DCLK1: variants seen among roughly 807,000 people sequenced by gnomAD.
DCLK1 encodes doublecortin like kinase 1, also known as serine/threonine-protein kinase DCLK1.
DCLK1 carries 16 observed loss-of-function variants against 86.2 expected under a neutral mutation model. The ratio of observed to expected loss-of-function variants is 0.19; its 90% CI spans 0.13 to 0.28. The LOEUF (loss-of-function observed/expected upper bound fraction) is 0.28. Ranked by LOEUF, DCLK1 falls within the 10% of genes least tolerant of loss-of-function variation. The pLI, the probability that DCLK1 is intolerant of heterozygous loss-of-function variation, is 1.00. For missense variants in DCLK1, 590 were observed against 940.2 expected (o/e 0.63, Z 4.87); for synonymous variants, 369 against 370.5 (o/e 1.00, Z 0.05).
chr13:35,837,715 TG>T (rs1476208298), intron 7 of DCLK1, among the ~76,000 whole-genome samples: 8 of 152,124 alleles, frequency 5.3e-5, no homozygotes, highest in Admixed American at 2.0e-4. Flanking sequence ...GCACGTGGCT[TG>T]GGATTTTTTT....
intron 4 of DCLK1, among the ~76,000 whole-genome samples, chr13:35,942,178 G>GT (rs148014415): frequency 0.024 from 3,636 of 149,856 alleles, 179 homozygotes; most frequent in East Asian, 0.21. Context: ...TTTTTTTTTT[G>GT]TTTTTTGAGA....
intron 4 of DCLK1, among the ~76,000 whole-genome samples, chr13:35,883,607 A>G (rs1873049199): frequency 6.6e-6 from 1 of 152,184 alleles, no homozygotes; most frequent in Non-Finnish European, 1.5e-5. Flanking sequence ...CAAATGGACT[A>G]AGACAGCAGT....
chr13:36,019,287 T>C (rs971914532), intron 3 of DCLK1, among the ~76,000 whole-genome samples: 1 of 152,202 alleles, frequency 6.6e-6, no homozygotes, highest in African/African-American at 2.4e-5. Flanking sequence ...TCCAAGCCTA[T>C]GTAGAAAACA....
At chr13:36,111,109 C>T (rs1469778797) in intron 3 of DCLK1, among the ~76,000 whole-genome samples, 2 of 152,034 alleles carry the variant, frequency 1.3e-5, no homozygotes, top group African/African-American at 2.4e-5. Flanking sequence ...GCTGGGATTA[C>T]AGGCGTGAGC....
intron 3 of DCLK1, among the ~76,000 whole-genome samples, chr13:36,045,330 GTGTATATATATATATATATATATA>G (rs1295370020): frequency 4.8e-4 from 27 of 56,624 alleles, no homozygotes; most frequent in South Asian, 1.5e-3. Context: ...GTGTGTGTGT[GTGTATATATATATATATATATATA>G]TATATATATA....
At chr13:35,915,505 A>G (rs1436623024) in intron 4 of DCLK1, among the ~76,000 whole-genome samples, 2 of 152,368 alleles carry the variant, frequency 1.3e-5, no homozygotes, top group Middle Eastern at 6.8e-3. Context: ...GTTGGAGACC[A>G]GCCTGGGCAA....
chr13:35,819,019 A>C (rs2087334249), intron 11 of DCLK1, among the ~76,000 whole-genome samples: 1 of 152,080 alleles, frequency 6.6e-6, no homozygotes, highest in African/African-American at 2.4e-5. Flanking sequence ...TGGGCTTGCC[A>C]GGCGGCTCTG....
At chr13:35,923,824 G>T (rs1171055) in intron 4 of DCLK1, among the ~76,000 whole-genome samples, 1 of 152,098 alleles carries the variant, frequency 6.6e-6, no homozygotes, top group Middle Eastern at 3.4e-3. Context: ...AAACCCTGGG[G>T]GTCTGTTAGC....
At chr13:35,895,753 A>AT (rs1873931340) in intron 4 of DCLK1, among the ~76,000 whole-genome samples, 1 of 151,736 alleles carries the variant, frequency 6.6e-6, no homozygotes, top group Non-Finnish European at 1.5e-5. Flanking sequence ...GCAAAAAAAA[A>AT]CAAAACAAAA....
intron 16 of DCLK1, among the ~76,000 whole-genome samples, chr13:35,779,478 G>C (rs1460249040): frequency 6.6e-6 from 1 of 152,124 alleles, no homozygotes; most frequent in Admixed American, 6.6e-5. Context: ...GCATTTTCCA[G>C]ATGATTAGTA....
chr13:36,026,269 G>A (rs887171939), intron 3 of DCLK1, among the ~76,000 whole-genome samples: 14 of 152,168 alleles, frequency 9.2e-5, no homozygotes, highest in Admixed American at 6.5e-4. Context: ...TGCTAGAGCA[G>A]TGAATATTGA....
At position 36,021,919 on chromosome 13, in the gene DCLK1, A is replaced by G. The variant is rs76847933; in HGVS notation, c.724-74462T>C. Among the ~76,000 whole-genome samples, 3 of 152,138 alleles carry G rather than the reference A, an allele frequency of 2.0e-5. No homozygotes were observed. In the East Asian group the frequency reaches 5.8e-4, roughly 29 times the overall value. On this transcript the variant is annotated intron_variant, in intron 3 of 16. Transcript: ENST00000360631. ...AATAGAATGAATAGAACTATATAGT[A>G]CAGCCCACCCAACAAAAGCAGAATA...
chr13:35,973,463 C>G (rs374564252), intron 3 of DCLK1, among the ~76,000 whole-genome samples: 19 of 152,274 alleles, frequency 1.2e-4, no homozygotes, highest in African/African-American at 4.3e-4. Context: ...TGCCTAAGTC[C>G]TCCTATAGGG....
chr13:36,103,220 G>A (rs1885279532), intron 3 of DCLK1, among the ~76,000 whole-genome samples: 1 of 152,158 alleles, frequency 6.6e-6, no homozygotes, highest in African/African-American at 2.4e-5. Flanking sequence ...GGCCAACATG[G>A]TGAAACCTTG....
At chr13:36,102,239 T>C (rs1885244571) in intron 3 of DCLK1, among the ~76,000 whole-genome samples, 1 of 149,192 alleles carries the variant, frequency 6.7e-6, no homozygotes, top group Non-Finnish European at 1.5e-5. Context: ...ATTTTCTTCC[T>C]GGAAGATTTT....
chr13:35,824,243 C>T (rs930901044), intron 10 of DCLK1, among the ~76,000 whole-genome samples: 3 of 152,208 alleles, frequency 2.0e-5, no homozygotes, highest in Admixed American at 6.5e-5. Flanking sequence ...GTAGCACAAT[C>T]ATGGCTCACT....
chr13:35,874,493 C>T (rs1274085393), intron 4 of DCLK1, among the ~76,000 whole-genome samples: 1 of 152,158 alleles, frequency 6.6e-6, no homozygotes, highest in Non-Finnish European at 1.5e-5. Flanking sequence ...GTTTTCATAG[C>T]CCAAAGCAAA....
intron 4 of DCLK1, among the ~76,000 whole-genome samples, chr13:35,933,732 C>G (rs1478790862): frequency 6.6e-6 from 1 of 152,214 alleles, no homozygotes; most frequent in East Asian, 1.9e-4. Context: ...CCACAAAACC[C>G]CTTTTTCCTC....
intron 4 of DCLK1, among the ~76,000 whole-genome samples, chr13:35,908,750 C>T (rs1874823760): frequency 6.6e-6 from 1 of 152,110 alleles, no homozygotes; most frequent in African/African-American, 2.4e-5. Flanking sequence ...ATTCTCCTGC[C>T]TCAGCCTCCT....
Sources: allele counts gnomAD v4.1 joint callset (sites outside exome capture counted in the v4.1 genomes callset), GRCh38; gene constraint gnomAD v4.1.1; transcripts MANE v1.5; gene names NCBI Gene and HGNC (gene_info 2026-07-23, HGNC 2026-07-21).